Variants in MYLK observed in about 807,000 individuals in gnomAD.
MYLK encodes myosin light chain kinase, smooth muscle.
In MYLK, 106 loss-of-function variants were observed where a neutral mutation model predicts 203.4. The observed-to-expected ratio is 0.52, with a 90% CI of 0.45 to 0.61. The LOEUF is 0.61. Ranked by LOEUF, MYLK falls within the 20% of genes least tolerant of loss-of-function variation. The pLI is 0.00. For synonymous variants in MYLK, 867 were observed against 959.5 expected, an observed-to-expected ratio of 0.90 and a Z score of 1.78; for missense variants, 2,072 against 2,442.3, an observed-to-expected ratio of 0.85 and a Z score of 3.20.
At chr3:123,636,842 ACTGT>A (rs1463262904) in intron 29 of MYLK, among the ~76,000 whole-genome samples, 4 of 152,182 alleles carry the variant, frequency 2.6e-5, no homozygotes, top group Admixed American at 6.5e-5. Context: ...AAAGAGGATA[ACTGT>A]CTGGACTACA....
chr3:123,862,308 G>A (rs556873787), intron 2 of MYLK, among the ~76,000 whole-genome samples: 50 of 152,314 alleles, frequency 3.3e-4, no homozygotes, highest in Non-Finnish European at 6.2e-4. Flanking sequence ...ATATTTCTGG[G>A]CCTTGACCAC....
chr3:123,809,910 T>G (rs750911765), intron 3 of MYLK, among the ~76,000 whole-genome samples: 1 of 152,228 alleles, frequency 6.6e-6, no homozygotes, highest in South Asian at 2.1e-4. Context: ...TCCTCTTCTA[T>G]ATTCCAACTT....
At chr3:123,753,608 T>C (rs1286437965) in intron 4 of MYLK, among the ~76,000 whole-genome samples, 1 of 151,912 alleles carries the variant, frequency 6.6e-6, no homozygotes. Flanking sequence ...AATGCAGAGA[T>C]AAATTCAAAG....
At chr3:123,872,664 T>C (rs866094995) in intron 2 of MYLK, among the ~76,000 whole-genome samples, 1 of 152,158 alleles carries the variant, frequency 6.6e-6, no homozygotes, top group African/African-American at 2.4e-5. Context: ...ATGGAAGAGA[T>C]ACATAGGACA....
chr3:123,877,553 GC>G (rs2033235068), intron 1 of MYLK, among the ~76,000 whole-genome samples: 1 of 152,212 alleles, frequency 6.6e-6, no homozygotes, highest in Non-Finnish European at 1.5e-5. Context: ...ACAATAAGAA[GC>G]CTGAGAACTC....
At position 123,700,495 on chromosome 3, in the gene MYLK, T is replaced by C. The variant is rs1290117348; in HGVS notation, c.2973A>G (p.Leu991=). ...FRSVLGGKKK[L]PAENGSSSAE... ...CACTGCTGCTGCCATTCTCTGCTGG[T>C]AATTTCTTCTTGCCACCCAGCACTG... Residue 991 remains leucine, a synonymous_variant, in exon 18 of 34, where the codon TTA becomes TTG. Coordinates refer to ENST00000360304, the MANE Select transcript of MYLK (RefSeq NM_053025.4). 3.1e-6 allele frequency: 5 copies of C among 1,608,010 alleles called. No homozygotes were observed. In the South Asian group the frequency reaches 5.5e-5, roughly 18 times the overall value.
At chr3:123,844,157 C>A (rs2066656019) in intron 2 of MYLK, among the ~76,000 whole-genome samples, 1 of 152,162 alleles carries the variant, frequency 6.6e-6, no homozygotes, top group African/African-American at 2.4e-5. Context: ...ACCTATTAAA[C>A]AGAGACAAAG....
intron 20 of MYLK, among the ~76,000 whole-genome samples, chr3:123,679,026 C>T (rs564395615): frequency 1.3e-5 from 2 of 152,234 alleles, no homozygotes; most frequent in South Asian, 2.1e-4. Context: ...AAGACATCTT[C>T]GGCCGGGCGC....
At chr3:123,636,961 TC>T (rs113828599) in intron 29 of MYLK, among the ~76,000 whole-genome samples, 8,721 of 152,256 alleles carry the variant, frequency 0.057, 379 homozygotes, top group African/African-American at 0.12. Flanking sequence ...TCACACCACT[TC>T]TGCTAAAGCT....
intron 19 of MYLK, among the ~76,000 whole-genome samples, chr3:123,688,243 C>T (rs1178875215): frequency 1.3e-5 from 2 of 152,106 alleles, no homozygotes; most frequent in Non-Finnish European, 2.9e-5. Flanking sequence ...CCCTCAACTC[C>T]AGGTTCACCT....
At chr3:123,831,185 G>A (rs1316994760) in intron 3 of MYLK, among the ~76,000 whole-genome samples, 1 of 152,194 alleles carries the variant, frequency 6.6e-6, no homozygotes, top group African/African-American at 2.4e-5. Flanking sequence ...AGCAGCAGGA[G>A]GAGAAAGTTT....
intron 10 of MYLK, among the ~76,000 whole-genome samples, chr3:123,733,339 G>C (rs751190318): frequency 2.0e-5 from 3 of 152,130 alleles, no homozygotes; most frequent in Non-Finnish European, 4.4e-5. Flanking sequence ...CTCCAGGTTG[G>C]CCAAAGCCAG....
intron 4 of MYLK, among the ~76,000 whole-genome samples, chr3:123,785,428 C>T (rs755512337): frequency 5.3e-5 from 8 of 152,290 alleles, no homozygotes; most frequent in South Asian, 2.1e-4. Flanking sequence ...CTACCAGCCA[C>T]GTGGAATAGA....
chr3:123,766,729 C>A (rs1340847547), intron 4 of MYLK, among the ~76,000 whole-genome samples: 3 of 152,256 alleles, frequency 2.0e-5, no homozygotes, highest in African/African-American at 7.2e-5. Flanking sequence ...CTCTCCTCAG[C>A]CACTTCCGCC....
At chr3:123,801,844 T>G (rs930745010) in intron 3 of MYLK, among the ~76,000 whole-genome samples, 2 of 152,232 alleles carry the variant, frequency 1.3e-5, no homozygotes, top group Non-Finnish European at 2.9e-5. Flanking sequence ...GGCACCTAGT[T>G]TGATTCCATG....
intron 2 of MYLK, among the ~76,000 whole-genome samples, chr3:123,839,781 T>C (rs2066549270): frequency 6.6e-6 from 1 of 152,224 alleles, no homozygotes; most frequent in African/African-American, 2.4e-5. Flanking sequence ...TTTATCAAGA[T>C]AGACCATATT....
At chr3:123,762,770 C>T (rs2063575594) in intron 4 of MYLK, among the ~76,000 whole-genome samples, 1 of 152,184 alleles carries the variant, frequency 6.6e-6, no homozygotes, top group Admixed American at 6.5e-5. Flanking sequence ...ACATAGCATT[C>T]ATCCCCTTTG....
At chr3:123,865,440 A>G (rs1472408569) in intron 2 of MYLK, among the ~76,000 whole-genome samples, 2 of 152,226 alleles carry the variant, frequency 1.3e-5, no homozygotes, top group Non-Finnish European at 2.9e-5. Context: ...AGGAGTTTCA[A>G]GTCTTCCTGT....
intron 20 of MYLK, among the ~76,000 whole-genome samples, chr3:123,672,528 G>A (rs766861438): frequency 1.1e-4 from 17 of 152,178 alleles, no homozygotes; most frequent in Non-Finnish European, 1.9e-4. Flanking sequence ...GTGAGAAGGA[G>A]GCTGACAATC....
Sources: allele counts gnomAD v4.1 joint callset (sites outside exome capture counted in the v4.1 genomes callset), GRCh38; gene constraint gnomAD v4.1.1; transcripts MANE v1.5; gene names NCBI Gene and HGNC (gene_info 2026-07-23, HGNC 2026-07-21).